Variants in STARD13 observed in about 807,000 individuals in gnomAD.
STARD13 encodes the protein StAR related lipid transfer domain containing 13.
A neutral mutation model predicts 106.4 loss-of-function variants in STARD13; 62 were observed. That is an observed-to-expected ratio of 0.58 (90% confidence interval 0.48 to 0.72). The LOEUF (loss-of-function observed/expected upper bound fraction) is 0.72. Among genes scored for constraint, STARD13 ranks in the 30% least tolerant of loss-of-function variants. The pLI, the probability that STARD13 is intolerant of heterozygous loss-of-function variation, is 0.00. For missense variants in STARD13, 1,387 were observed against 1,424.0 expected, an observed-to-expected ratio of 0.97 and a Z score of 0.42; for synonymous variants, 565 against 553.0, an observed-to-expected ratio of 1.02 and a Z score of -0.31.
upstream of STARD13, among the ~76,000 whole-genome samples, chr13:33,286,868 ATATATATATGTGTG>A (rs1042241346): frequency 2.6e-5 from 4 of 151,898 alleles, no homozygotes; most frequent in Non-Finnish European, 4.4e-5. Context: ...ATATACGTGT[ATATATATATGTGTG>A]TATATATATG....
chr13:33,483,734 G>A, the STARD13 span, among the ~76,000 whole-genome samples: 45 of 152,114 alleles, frequency 3.0e-4, no homozygotes, highest in African/African-American at 2.4e-5. Flanking sequence ...TCAGAGAGAT[G>A]GATTTGAGAC....
chr13:33,659,142 G>A, the STARD13 span, among the ~76,000 whole-genome samples: 1 of 151,472 alleles, frequency 6.6e-6, no homozygotes, highest in Non-Finnish European at 1.5e-5. Flanking sequence ...GCAAATTAAT[G>A]TAACACGAAA....
chr13:33,478,713 T>G, the STARD13 span, among the ~76,000 whole-genome samples: 1 of 152,096 alleles, frequency 6.6e-6, no homozygotes, highest in African/African-American at 2.4e-5. Context: ...CCCAGGTGTT[T>G]GAGACCAGCT....
intron 1 of STARD13, among the ~76,000 whole-genome samples, chr13:33,211,415 C>T (rs1427538412): frequency 6.6e-6 from 1 of 152,010 alleles, no homozygotes; most frequent in Non-Finnish European, 1.5e-5. Flanking sequence ...GGTGTGTATC[C>T]TTCCAAACTT....
At chr13:33,466,922 T>A in the STARD13 span, among the ~76,000 whole-genome samples, 2,240 of 152,178 alleles carry the variant, frequency 0.015, 59 homozygotes, top group African/African-American at 0.048. Flanking sequence ...GGGAAACACA[T>A]ACTTGGCATT....
intron 4 of STARD13, among the ~76,000 whole-genome samples, chr13:33,141,547 G>A (rs1403906676): frequency 1.3e-5 from 2 of 152,174 alleles, no homozygotes; most frequent in Admixed American, 6.5e-5. Flanking sequence ...GGACTGAACC[G>A]AATTCCTTGT....
the STARD13 span, among the ~76,000 whole-genome samples, chr13:33,417,623 G>T: frequency 6.6e-6 from 1 of 152,180 alleles, no homozygotes; most frequent in Non-Finnish European, 1.5e-5. Flanking sequence ...GCTGCAACAT[G>T]AATGAGCCTT....
intron 1 of STARD13, among the ~76,000 whole-genome samples, chr13:33,258,097 C>T (rs139725723): frequency 2.0e-5 from 3 of 152,334 alleles, no homozygotes; most frequent in Non-Finnish European, 4.4e-5. Context: ...TCCCCTTTAT[C>T]AGCTTCTTGG....
chr13:33,146,805 T>C (rs532380501), intron 3 of STARD13, among the ~76,000 whole-genome samples: 2 of 152,320 alleles, frequency 1.3e-5, no homozygotes, highest in African/African-American at 2.4e-5. Context: ...GTTAAACATA[T>C]GTAAGGACAG....
the STARD13 span, among the ~76,000 whole-genome samples, chr13:33,567,647 T>G: frequency 6.8e-6 from 1 of 148,032 alleles, no homozygotes; most frequent in Non-Finnish European, 1.5e-5. Flanking sequence ...AAAATGAAGG[T>G]GAACAAAAAG....
upstream of STARD13, among the ~76,000 whole-genome samples, chr13:33,286,590 A>G (rs1892069843): frequency 6.6e-6 from 1 of 152,220 alleles, no homozygotes; most frequent in African/African-American, 2.4e-5. Context: ...AGCTTCTAAC[A>G]TGAGGCCATA....
upstream of STARD13, among the ~76,000 whole-genome samples, chr13:33,287,857 T>C (rs1288424377): frequency 6.6e-6 from 1 of 151,940 alleles, no homozygotes; most frequent in East Asian, 1.9e-4. Context: ...GAGGGGAGCA[T>C]GGGACTTGAG....
chr13:33,567,096 C>A, the STARD13 span, among the ~76,000 whole-genome samples: 8 of 148,184 alleles, frequency 5.4e-5, 1 homozygote, highest in Non-Finnish European at 1.2e-4. Context: ...TTCACTTGGT[C>A]CTGGTTTAAA....
At chr13:33,504,460 A>G in the STARD13 span, among the ~76,000 whole-genome samples, 1 of 152,124 alleles carries the variant, frequency 6.6e-6, no homozygotes, top group Non-Finnish European at 1.5e-5. Flanking sequence ...TTGTAGGGAC[A>G]CGGATGAAAC....
At chr13:33,588,581 GA>G in the STARD13 span, among the ~76,000 whole-genome samples, 1 of 152,164 alleles carries the variant, frequency 6.6e-6, no homozygotes, top group Non-Finnish European at 1.5e-5. Flanking sequence ...GATTGAAAGA[GA>G]ATTGCTTAAA....
At chr13:33,195,655 TC>T (rs1292368465) in intron 1 of STARD13, among the ~76,000 whole-genome samples, 1 of 152,206 alleles carries the variant, frequency 6.6e-6, no homozygotes, top group Non-Finnish European at 1.5e-5. Context: ...TGTCTTGAGA[TC>T]TGAAAATTCA....
the STARD13 span, among the ~76,000 whole-genome samples, chr13:33,579,083 A>G: frequency 6.6e-6 from 1 of 152,134 alleles, no homozygotes; most frequent in South Asian, 2.1e-4. Context: ...CTCTCTGGAA[A>G]ATAGTATGGA....
Position 33,130,039 on chromosome 13 carries a change from C to G in STARD13, c.638G>C (p.Gly213Ala), listed in dbSNP as rs775714821. 1.9e-6 allele frequency: 3 copies of G among 1,613,394 alleles called. No homozygotes were observed. Among genetic ancestry groups the G allele is most frequent in the Non-Finnish European group, 2.5e-6 (3 of 1,179,896 alleles). ...SGGSDSRSQP[G>A]QCCTDNPVML... ...GACCGGGTTGTCTGTACAGCACTGG[C>G]CCGGCTGGCTGCGACTGTCGCTGCC... The change falls in exon 5 of 14, where the codon GGC (glycine) becomes GCC (alanine). Residue 213 changes from glycine to alanine, a missense_variant. By Grantham distance (60) the Gly-to-Ala change is moderately conservative (BLOSUM62 0). Coordinates refer to ENST00000336934, the MANE Select transcript of STARD13 (RefSeq NM_178006.4). This position sits in a 1 kb window ranked among gnomAD's most constrained non-coding sequence, Gnocchi z 4.1.
At chr13:33,253,656 G>T (rs1479969085) in intron 1 of STARD13, among the ~76,000 whole-genome samples, 1 of 152,198 alleles carries the variant, frequency 6.6e-6, no homozygotes, top group Non-Finnish European at 1.5e-5. Context: ...TCTGCTGACA[G>T]CTGTACAGCT....
Sources: gnomAD v4.1 joint callset for allele counts (sites outside exome capture counted in the v4.1 genomes callset) on GRCh38, gnomAD v4.1.1 for gene constraint, Gnocchi (gnomAD v3.1) non-coding constraint, MANE v1.5 for transcripts, NCBI Gene and HGNC (gene_info 2026-07-23, HGNC 2026-07-21) for gene names.